CTDP1: variants seen among roughly 807,000 people sequenced by gnomAD.
CTDP1 encodes RNA polymerase II subunit A C-terminal domain phosphatase.
CTDP1 carries 47 observed loss-of-function variants against 91.8 expected under a neutral mutation model. That is an observed-to-expected ratio of 0.51 (90% confidence interval 0.41 to 0.65). CTDP1 has a LOEUF of 0.65. Ranked by LOEUF, CTDP1 falls within the 30% of genes least tolerant of loss-of-function variation. The pLI is 0.00. For missense variants in CTDP1, 1,272 were observed against 1,373.7 expected (o/e 0.93, Z 1.17); for synonymous variants, 656 against 598.5 (o/e 1.10, Z -1.40).
At chr18:79,705,464 G>A (rs754987297) in intron 5 of CTDP1, among the ~76,000 whole-genome samples, 1 of 152,174 alleles carries the variant, frequency 6.6e-6, no homozygotes, top group African/African-American at 2.4e-5. Flanking sequence ...GTGAGGGGAC[G>A]CCACAGGATG....
intron 4 of CTDP1, among the ~76,000 whole-genome samples, chr18:79,699,237 C>T (rs1418870579): frequency 6.6e-6 from 1 of 152,100 alleles, no homozygotes; most frequent in Non-Finnish European, 1.5e-5. Context: ...TTCGTTCATA[C>T]CCGCTACTCT....
At chr18:79,720,134 G>A (rs946661571) in intron 10 of CTDP1, among the ~76,000 whole-genome samples, 2 of 146,814 alleles carry the variant, frequency 1.4e-5, no homozygotes, top group African/African-American at 5.1e-5. Flanking sequence ...TGGTGATGAT[G>A]TCACCTCCCA....
chr18:79,747,445 C>A (rs926612766), intron 12 of CTDP1, among the ~76,000 whole-genome samples: 2 of 152,244 alleles, frequency 1.3e-5, no homozygotes, highest in African/African-American at 4.8e-5. Context: ...TCTCCCTGGG[C>A]CCGGGCCCAC....
intron 11 of CTDP1, among the ~76,000 whole-genome samples, chr18:79,730,924 C>T (rs1372434418): frequency 3.3e-5 from 5 of 152,260 alleles, no homozygotes; most frequent in Non-Finnish European, 7.3e-5. Context: ...CTGGTTATTA[C>T]AGCAGCCTCA....
At chr18:79,706,324 T>C (rs893769078) in intron 5 of CTDP1, among the ~76,000 whole-genome samples, 1 of 152,122 alleles carries the variant, frequency 6.6e-6, no homozygotes, top group African/African-American at 2.4e-5. Flanking sequence ...TGTGTGGAAA[T>C]AGACCCCCAA....
At chr18:79,731,692 G>A (rs1180933710) in intron 11 of CTDP1, among the ~76,000 whole-genome samples, 4 of 152,228 alleles carry the variant, frequency 2.6e-5, no homozygotes, top group African/African-American at 9.7e-5. Flanking sequence ...ACCTGCAACG[G>A]CTTTGAAGAA....
intron 2 of CTDP1, 70 bp from the exon 3 acceptor site, chr18:79,695,907 C>T: frequency 3.2e-6 from 4 of 1,246,154 alleles, no homozygotes; most frequent in Non-Finnish European, 4.7e-6. Context: ...AATCCTGTCA[C>T]TTAGAGCCCA....
At chr18:79,725,419 T>C (rs1413373623) in intron 10 of CTDP1, among the ~76,000 whole-genome samples, 1 of 152,224 alleles carries the variant, frequency 6.6e-6, no homozygotes, top group Non-Finnish European at 1.5e-5. Context: ...GTTTAAAATT[T>C]CATATTCATT....
At chr18:79,733,027 A>T (rs1257324047) in intron 11 of CTDP1, among the ~76,000 whole-genome samples, 1 of 152,210 alleles carries the variant, frequency 6.6e-6, no homozygotes, top group South Asian at 2.1e-4. Flanking sequence ...ACCCCCACAC[A>T]GTCCCTGAGT....
At chr18:79,719,435 C>T (rs2086288920) in intron 10 of CTDP1, among the ~76,000 whole-genome samples, 1 of 152,078 alleles carries the variant, frequency 6.6e-6, no homozygotes, top group Non-Finnish European at 1.5e-5. Context: ...TGAGGTCCTC[C>T]ATTCTGATGA....
At chr18:79,750,673 T>C (rs2086979324) in intron 12 of CTDP1, among the ~76,000 whole-genome samples, 1 of 147,542 alleles carries the variant, frequency 6.8e-6, no homozygotes, top group Non-Finnish European at 1.5e-5. Context: ...TTTTGCTTTT[T>C]TTTTTTTTTT....
At chr18:79,686,605 A>G (rs893638946) in intron 1 of CTDP1, among the ~76,000 whole-genome samples, 3 of 152,270 alleles carry the variant, frequency 2.0e-5, no homozygotes, top group Non-Finnish European at 2.9e-5. Flanking sequence ...CTCATTTAAT[A>G]TTTGTAACAT....
At chr18:79,748,726 A>T (rs2086931067) in intron 12 of CTDP1, among the ~76,000 whole-genome samples, 1 of 152,350 alleles carries the variant, frequency 6.6e-6, no homozygotes, top group Middle Eastern at 3.4e-3. Context: ...CGGCCGCCTC[A>T]TCTCACACAA....
Position 79,730,221 on chromosome 18 carries a change from T to A in CTDP1, c.2580+1152T>A, listed in dbSNP as rs529958843. On this transcript the variant is annotated intron_variant, in intron 11 of 12. Coordinates refer to ENST00000613122, the MANE Select transcript of CTDP1 (RefSeq NM_004715.5). Reference sequence around the variant, plus strand: ...ACAAAAATGTTTTCTCTAAAAAAAATTTTTCTCAGCCACTACCTGTAAGCC... The same window carrying A: ...ACAAAAATGTTTTCTCTAAAAAAAAATTTTCTCAGCCACTACCTGTAAGCC... 8.5e-5 allele frequency among the ~76,000 whole-genome samples: 13 copies of A among 152,246 alleles called. No homozygotes were observed. The East Asian group carries it at 2.1e-3, about 25-fold the overall frequency.
Position 79,754,239 on chromosome 18 carries a change from G to T in CTDP1, c.*449G>T. 4.1e-6 allele frequency: 1 copy of T among 242,210 alleles called. No homozygotes were observed. Among genetic ancestry groups the T allele is most frequent in the South Asian group, 5.1e-5 (1 of 19,780 alleles). The allele number at this position is 242,210 out of a possible 1,614,324, so 15.0% of individuals were successfully genotyped here. On this transcript the variant is annotated 3_prime_UTR_variant, in exon 13 of 13. Coordinates refer to ENST00000613122, the MANE Select transcript of CTDP1 (RefSeq NM_004715.5). Reference sequence around the variant, plus strand: ...GACATGCCTGGAACCCCCGCCGCCTGCTGCTCCCTCCTAGGGAACCCATTT... The same window carrying T: ...GACATGCCTGGAACCCCCGCCGCCTTCTGCTCCCTCCTAGGGAACCCATTT...
chr18:79,739,856 A>C (rs1599307979), intron 12 of CTDP1, among the ~76,000 whole-genome samples: 1 of 50,044 alleles, frequency 2.0e-5, no homozygotes, highest in African/African-American at 8.0e-5. Flanking sequence ...GGACTCTCAT[A>C]CCCACGGCCG....
intron 12 of CTDP1, among the ~76,000 whole-genome samples, chr18:79,751,190 G>A (rs1376458137): frequency 7.2e-6 from 1 of 138,298 alleles, no homozygotes; most frequent in Non-Finnish European, 1.6e-5. Flanking sequence ...GGGAGGGAGG[G>A]GCTGGGCACA....
At chr18:79,736,126 T>A (rs1175244705) in intron 11 of CTDP1, 1 of 600,148 alleles carries the variant, frequency 1.7e-6, no homozygotes, top group Non-Finnish European at 3.0e-6. Context: ...ACCCAATCTT[T>A]GCCTGCGAAC....
chr18:79,686,664 T>C (rs2085500464), intron 1 of CTDP1, among the ~76,000 whole-genome samples: 1 of 152,264 alleles, frequency 6.6e-6, no homozygotes, highest in South Asian at 2.1e-4. Flanking sequence ...GTGCTTTAAA[T>C]GGTGAAGAAT....
Sources: gnomAD v4.1 joint callset for allele counts (sites outside exome capture counted in the v4.1 genomes callset) on GRCh38, gnomAD v4.1.1 for gene constraint, MANE v1.5 for transcripts, NCBI Gene and HGNC (gene_info 2026-07-23, HGNC 2026-07-21) for gene names.